SOX5: variants seen among roughly 807,000 people sequenced by gnomAD.
SOX5 encodes transcription factor SOX-5.
SOX5 carries 9 observed loss-of-function variants against 92.0 expected under a neutral mutation model. The observed-to-expected ratio is 0.10, with a 90% CI of 0.06 to 0.17. The LOEUF is 0.17. Ranked by LOEUF, SOX5 falls within the 10% of genes least tolerant of loss-of-function variation. The pLI, the probability that SOX5 is intolerant of heterozygous loss-of-function variation, is 1.00. For synonymous variants in SOX5, 344 were observed against 336.3 expected, an observed-to-expected ratio of 1.02 and a Z score of -0.25; for missense variants, 642 against 944.5, an observed-to-expected ratio of 0.68 and a Z score of 4.20.
chr12:24,095,120 C>G (rs369378024), intron 4 of SOX5, among the ~76,000 whole-genome samples: 154 of 102,128 alleles, frequency 1.5e-3, no homozygotes, highest in East Asian at 5.0e-3. Flanking sequence ...CACACACACA[C>G]ACACACACAG....
At chr12:24,522,644 C>T (rs955625706) in intron 1 of SOX5, among the ~76,000 whole-genome samples, 2 of 152,064 alleles carry the variant, frequency 1.3e-5, no homozygotes, top group Non-Finnish European at 2.9e-5. Context: ...TAATGTGATA[C>T]ACACATTGCA....
At chr12:24,060,934 T>C (rs1939562059) in intron 4 of SOX5, among the ~76,000 whole-genome samples, 1 of 152,118 alleles carries the variant, frequency 6.6e-6, no homozygotes, top group Admixed American at 6.5e-5. Context: ...GTTCCTGAAA[T>C]TGCCATTTAT....
intron 2 of SOX5, among the ~76,000 whole-genome samples, chr12:23,894,310 C>G (rs922617615): frequency 2.0e-5 from 3 of 152,020 alleles, no homozygotes; most frequent in Admixed American, 6.5e-5. Context: ...TCACTGCAAC[C>G]TCTGCCTCCT....
intron 4 of SOX5, among the ~76,000 whole-genome samples, chr12:24,156,504 G>GTA (rs1310851586): frequency 2.0e-5 from 3 of 152,064 alleles, no homozygotes; most frequent in Non-Finnish European, 4.4e-5. Context: ...TTCTGTTCCT[G>GTA]TATTCATTCC....
intron 9 of SOX5, among the ~76,000 whole-genome samples, chr12:23,586,887 G>A (rs1043587175): frequency 1.3e-5 from 2 of 150,322 alleles, no homozygotes; most frequent in Admixed American, 1.3e-4. Context: ...TAAATAAAAG[G>A]CACAGTATAG....
At chr12:23,976,324 C>A (rs1394024798) in intron 4 of SOX5, among the ~76,000 whole-genome samples, 1 of 141,290 alleles carries the variant, frequency 7.1e-6, no homozygotes, top group East Asian at 2.1e-4. Context: ...CCGTAAAAGA[C>A]CTTCAGTTTC....
At chr12:23,701,638 T>A (rs146559951) in intron 6 of SOX5, among the ~76,000 whole-genome samples, 1,928 of 152,212 alleles carry the variant, frequency 0.013, 15 homozygotes, top group Non-Finnish European at 0.022. Context: ...CATATTATTG[T>A]ATAGTTACTT....
chr12:24,121,763 G>C (rs1948643952), intron 4 of SOX5, among the ~76,000 whole-genome samples: 1 of 151,370 alleles, frequency 6.6e-6, no homozygotes, highest in African/African-American at 2.4e-5. Context: ...GTAGGCGCCT[G>C]TAGTCCAAGA....
At chr12:23,672,204 T>C (rs945107892) in intron 6 of SOX5, among the ~76,000 whole-genome samples, 1 of 152,080 alleles carries the variant, frequency 6.6e-6, no homozygotes, top group Non-Finnish European at 1.5e-5. Context: ...GCCAAAATAC[T>C]AACTTCCCCA....
chr12:24,392,416 T>C (rs1959087891), intron 1 of SOX5, among the ~76,000 whole-genome samples: 1 of 152,156 alleles, frequency 6.6e-6, no homozygotes, highest in Non-Finnish European at 1.5e-5. Context: ...TTAACTACTC[T>C]AGCTTTCTTG....
chr12:23,858,177 TA>T (rs1205996992), intron 2 of SOX5, among the ~76,000 whole-genome samples: 7 of 151,902 alleles, frequency 4.6e-5, no homozygotes, highest in African/African-American at 1.7e-4. Context: ...TGAGAAGCGC[TA>T]AAAAATAATA....
intron 2 of SOX5, among the ~76,000 whole-genome samples, chr12:23,851,866 A>G (rs536697647): frequency 6.6e-6 from 1 of 152,228 alleles, no homozygotes; most frequent in African/African-American, 2.4e-5. Context: ...ACTTAAGATT[A>G]TATATTTTAG....
intron 1 of SOX5, among the ~76,000 whole-genome samples, chr12:24,418,562 C>T (rs1965407794): frequency 6.6e-6 from 1 of 152,196 alleles, no homozygotes; most frequent in African/African-American, 2.4e-5. Context: ...ACTGCAGATG[C>T]TATCTGCATC....
At chr12:23,650,583 T>C (rs1379029108) in intron 7 of SOX5, among the ~76,000 whole-genome samples, 1 of 152,106 alleles carries the variant, frequency 6.6e-6, no homozygotes, top group Non-Finnish European at 1.5e-5. Flanking sequence ...TTTCATGTCA[T>C]GGGCTGATAG....
At chr12:24,117,409 C>CA (rs1040245180) in intron 4 of SOX5, among the ~76,000 whole-genome samples, 2 of 151,736 alleles carry the variant, frequency 1.3e-5, no homozygotes, top group East Asian at 1.9e-4. Flanking sequence ...GGAGGTTCCT[C>CA]AAAAAAACTA....
chr12:23,656,985 A>G (rs11047029), intron 7 of SOX5, among the ~76,000 whole-genome samples: 7 of 152,080 alleles, frequency 4.6e-5, no homozygotes, highest in Non-Finnish European at 8.8e-5. Flanking sequence ...TATGAAGGGT[A>G]TTATGAGCTG....
intron 9 of SOX5, chr12:23,582,344 C>A: frequency 1.1e-6 from 1 of 932,244 alleles, no homozygotes; most frequent in Non-Finnish European, 1.3e-6. Context: ...TGGAAGTGTA[C>A]CTGCTGAGCA....
At chr12:23,550,483 GAA>G (rs1303320978) in intron 11 of SOX5, among the ~76,000 whole-genome samples, 7 of 151,774 alleles carry the variant, frequency 4.6e-5, no homozygotes, top group Admixed American at 4.6e-4. Context: ...GGGGAAAATT[GAA>G]AAGACAGGGA....
intron 6 of SOX5, among the ~76,000 whole-genome samples, chr12:23,710,992 A>G (rs1390220827): frequency 6.6e-6 from 1 of 152,172 alleles, no homozygotes; most frequent in Non-Finnish European, 1.5e-5. Flanking sequence ...TATGACTTTA[A>G]AAACATCACC....
Sources: allele counts gnomAD v4.1 joint callset (sites outside exome capture counted in the v4.1 genomes callset), GRCh38; gene constraint gnomAD v4.1.1; transcripts MANE v1.5; gene names NCBI Gene and HGNC (gene_info 2026-07-23, HGNC 2026-07-21).